The following KIF1A variants were observed in gnomAD, a reference collection of about 807,000 sequenced individuals.
The protein encoded by KIF1A is kinesin-like protein KIF1A.
Under a neutral mutation model 227.3 loss-of-function variants are expected in KIF1A, and 46 were observed. The ratio of observed to expected loss-of-function variants is 0.20; its 90% CI spans 0.16 to 0.26. KIF1A has a LOEUF of 0.26. Ranked by LOEUF, KIF1A falls within the 10% of genes least tolerant of loss-of-function variation. The pLI, the probability that KIF1A is intolerant of heterozygous loss-of-function variation, is 1.00. For missense variants in KIF1A, 1,683 were observed against 2,485.9 expected, an observed-to-expected ratio of 0.68 and a Z score of 6.87; for synonymous variants, 1,022 against 1,012.8, an observed-to-expected ratio of 1.01 and a Z score of -0.17.
In KIF1A at chr2:240,757,544, C is replaced by T; in HGVS notation, c.2633G>A (p.Ser878Asn). 1 of 1,550,620 alleles carries T rather than the reference C, an allele frequency of 6.4e-7. No homozygotes were observed. The highest frequency in any genetic ancestry group is 8.7e-7 in the Non-Finnish European group (1 of 1,147,004). Reference sequence around the variant, plus strand: ...GGGGGTGAGAGCAGCCATGCGCTCGCTCATGCATGTGTTGAGAAGAGGGTA... The same window carrying T: ...GGGGGTGAGAGCAGCCATGCGCTCGTTCATGCATGTGTTGAGAAGAGGGTA... ...NSYPLLNTCM[S>N]ERMAALTPSP... Residue 878 changes from serine to asparagine, a missense_variant, in exon 27 of 49, where the codon AGC becomes AAC. Coordinates refer to ENST00000498729, the MANE Select transcript of KIF1A (RefSeq NM_001244008.2). The surrounding 1 kb of genome is among the most constrained non-coding windows in gnomAD (Gnocchi z 6.2).
intron 1 of KIF1A, among the ~76,000 whole-genome samples, chr2:240,816,988 G>T (rs990850732): frequency 6.6e-6 from 1 of 152,232 alleles, no homozygotes; most frequent in Non-Finnish European, 1.5e-5. Flanking sequence ...GGCCAGCCAG[G>T]CTGAGGGTGG....
At chr2:240,782,231 C>T (rs2054139827) in intron 10 of KIF1A, 2 of 981,596 alleles carry the variant, frequency 2.0e-6, no homozygotes, top group Admixed American at 6.1e-5. Flanking sequence ...CGCCTGTCAC[C>T]CGCTTCCTCT....
Position 240,775,805 on chromosome 2 carries a change from G to A in KIF1A, c.958+46C>T. ...CAGTGGGGAAGAAGGGCACAGCCCA[G>A]GGTGGGATCAGAGCCCTGGGGACAG... On this transcript the variant is annotated intron_variant, in intron 11 of 48. Transcript: ENST00000498729. The surrounding 1 kb of genome is among the most constrained non-coding windows in gnomAD (Gnocchi z 5.5). The A allele has an allele frequency of 3.9e-6, 5 of 1,286,220 alleles. No individual in the cohort carries two copies. The highest frequency in any genetic ancestry group is 5.7e-6 in the Non-Finnish European group (5 of 880,900). The allele number at this position is 1,286,220 out of a possible 1,614,324, so 79.7% of individuals were successfully genotyped here.
intron 6 of KIF1A, among the ~76,000 whole-genome samples, chr2:240,785,661 C>T (rs1325765571): frequency 1.3e-5 from 2 of 152,194 alleles, no homozygotes; most frequent in Admixed American, 1.3e-4. Context: ...GATGTGGCAG[C>T]CCAGGGCCCA....
At chr2:240,807,540 G>C (rs572843506) in intron 1 of KIF1A, among the ~76,000 whole-genome samples, 2 of 152,144 alleles carry the variant, frequency 1.3e-5, no homozygotes, top group South Asian at 4.1e-4. Context: ...GTATTGTCCA[G>C]GTAATAGTGA....
In KIF1A at chr2:240,773,165, T is replaced by C; in HGVS notation, c.1129A>G (p.Thr377Ala). 1 of 1,613,922 alleles carries C rather than the reference T, an allele frequency of 6.2e-7. No homozygotes were observed. Among genetic ancestry groups the C allele is most frequent in the Non-Finnish European group, 8.5e-7 (1 of 1,179,830 alleles). ...KLIRELKDEVTRLRDLLYAQG... is the reference protein window; with the variant it reads ...KLIRELKDEVARLRDLLYAQG... ...GCGTACAGAAGGTCCCGCAGCCGGG[T>C]CACCTCATCCTTCAGCTCGCGGATC... The change falls in exon 13 of 49, where the codon ACC becomes GCC. Residue 377 changes from threonine to alanine, a missense_variant. Thr to Ala is a moderately conservative substitution (Grantham distance 58). Around this residue, in one of 12 missense-constraint regions of KIF1A, gnomAD observed 110 missense variants for 133.1 expected, o/e 0.83. Coordinates refer to ENST00000498729, the MANE Select transcript of KIF1A (RefSeq NM_001244008.2).
chr2:240,734,842 G>C, intron 38 of KIF1A: 645 of 746,714 alleles, frequency 8.6e-4, no homozygotes, highest in Non-Finnish European at 1.3e-3. Flanking sequence ...GTGGCCACAG[G>C]CCCACTCTGA....
At position 240,784,977 on chromosome 2, in the gene KIF1A, CCACT is replaced by C. The variant is rs769831393; in HGVS notation, c.720+8_720+11del. ...GCCCTTGGTGGCACCGCCTGTGAGG[CCACT>C]CACTCACCTTCTCCGTGGTGATATT... is the stretch of plus-strand genomic sequence containing the variant. On this transcript the variant is annotated splice_region_variant and intron_variant, in intron 7 of 48. Coordinates refer to ENST00000498729, the MANE Select transcript of KIF1A (RefSeq NM_001244008.2). 1 of 1,607,910 alleles carries C rather than the reference CCACT, an allele frequency of 6.2e-7. No homozygotes were observed. Among genetic ancestry groups the C allele is most frequent in the East Asian group, 2.2e-5 (1 of 44,846 alleles).
intron 11 of KIF1A, 138 bp from the exon 12 acceptor site, chr2:240,774,399 C>T (rs868378429): frequency 2.4e-6 from 1 of 422,512 alleles, no homozygotes; most frequent in Non-Finnish European, 4.2e-6. Context: ...TTACCCCCCC[C>T]CCCACCCCCA....
At chr2:240,729,393 G>C (rs1456577355) in intron 38 of KIF1A, among the ~76,000 whole-genome samples, 1 of 152,184 alleles carries the variant, frequency 6.6e-6, no homozygotes, top group Non-Finnish European at 1.5e-5. Context: ...CCCAGCATCA[G>C]CACCTACTCC....
intron 1 of KIF1A, among the ~76,000 whole-genome samples, chr2:240,812,548 T>G (rs1331722012): frequency 6.7e-6 from 1 of 148,694 alleles, no homozygotes; most frequent in Non-Finnish European, 1.5e-5. Context: ...ACCTCAGACA[T>G]CTGCCTTCAC....
In KIF1A at chr2:240,771,110, G is replaced by A. The variant is rs766308686; in HGVS notation, c.1208-6C>T. The A allele has an allele frequency of 5.0e-6, 8 of 1,613,408 alleles. No homozygotes were observed. The African/African-American group carries it at 1.1e-4, about 22-fold the overall frequency. On this transcript the variant is annotated splice_polypyrimidine_tract_variant and splice_region_variant and intron_variant, in intron 14 of 48. Coordinates refer to ENST00000498729, the MANE Select transcript of KIF1A (RefSeq NM_001244008.2). ...ACCCACCAGGGCATTGGTCACTGTG[G>A]AGAGAGGGTCAGGGGCTTCATTCAC...
chr2:240,729,822 GC>G, intron 38 of KIF1A, among the ~76,000 whole-genome samples: 1 of 152,222 alleles, frequency 6.6e-6, no homozygotes, highest in Non-Finnish European at 1.5e-5. Context: ...AGGACTGTGT[GC>G]ACAGCAGGGA....
intron 4 of KIF1A, 93 bp from the exon 5 acceptor site, chr2:240,787,409 G>T: frequency 1.8e-6 from 2 of 1,095,716 alleles, no homozygotes; most frequent in East Asian, 2.4e-5. Flanking sequence ...TGTGCCAGGC[G>T]GGATCCACCC....
intron 1 of KIF1A, among the ~76,000 whole-genome samples, chr2:240,801,750 A>C (rs2056990374): frequency 6.6e-6 from 1 of 152,224 alleles, no homozygotes. Flanking sequence ...CCACCACGTG[A>C]GAGCAGGGCA....
At chr2:240,767,055 G>A in intron 18 of KIF1A, 34 bp from the exon 19 acceptor site, 1 of 1,525,686 alleles carries the variant, frequency 6.6e-7, no homozygotes, top group Non-Finnish European at 9.0e-7. Flanking sequence ...CACGGCAGCT[G>A]GGACCCAATA....
In KIF1A at chr2:240,766,749, T is replaced by TCACACACACACACACACACA. The variant is rs55815321; in HGVS notation, c.1684+146_1684+165dup. Among the ~76,000 whole-genome samples the TCACACACACACACACACACA allele has an allele frequency of 3.7e-5, 4 of 109,018 alleles. No individual in the cohort carries two copies. Among genetic ancestry groups the TCACACACACACACACACACA allele is most frequent in the Admixed American group, 2.8e-4 (3 of 10,908 alleles). 71.5% of individuals were successfully genotyped at this position (109,018 alleles called of 152,430 possible). A position where few individuals can be genotyped will look rare whatever the true frequency, so the allele number is the denominator to read the frequency against. On this transcript the variant is annotated intron_variant, in intron 19 of 48. Coordinates refer to ENST00000498729, the MANE Select transcript of KIF1A (RefSeq NM_001244008.2). This position sits in a 1 kb window ranked among gnomAD's most constrained non-coding sequence, Gnocchi z 5.0. ...CTCTCTCTCTCTCTCTCTCTCTCTC[T>TCACACACACACACACACACA]CACACACACACACACACACACACAC...
chr2:240,740,050 G>A lies in KIF1A; in HGVS notation c.3901+8C>T, dbSNP rs1461765194. The A allele has an allele frequency of 1.1e-5, 18 of 1,573,506 alleles. No homozygotes were observed. Among genetic ancestry groups the A allele is most frequent in the African/African-American group, 4.1e-5 (3 of 73,604 alleles). On this transcript the variant is annotated splice_region_variant and intron_variant, in intron 37 of 48. Coordinates refer to ENST00000498729, the MANE Select transcript of KIF1A (RefSeq NM_001244008.2). The surrounding 1 kb of genome is among the most constrained non-coding windows in gnomAD (Gnocchi z 6.1). ...CACCCACCAAGGCAGCCCCCACACC[G>A]CACTCACCCACGACCAGCTCGCGCA...
At chr2:240,803,355 G>C (rs997203317) in intron 1 of KIF1A, among the ~76,000 whole-genome samples, 2 of 152,240 alleles carry the variant, frequency 1.3e-5, no homozygotes, top group African/African-American at 4.8e-5. Flanking sequence ...GTCCCCGAGG[G>C]AGCTGTGGTT....
Sources: gnomAD v4.1 joint callset for allele counts (sites outside exome capture counted in the v4.1 genomes callset) on GRCh38, gnomAD v4.1.1 for gene constraint, gnomAD v4.1.1 regional missense constraint, Gnocchi (gnomAD v3.1) non-coding constraint, MANE v1.5 for transcripts, NCBI Gene and HGNC (gene_info 2026-07-23, HGNC 2026-07-21) for gene names.